The following CCSER1 variants were observed in gnomAD, a reference collection of about 807,000 sequenced individuals.
The protein encoded by CCSER1 is serine-rich coiled-coil domain-containing protein 1.
CCSER1 carries 41 observed loss-of-function variants against 82.0 expected under a neutral mutation model. That is an observed-to-expected ratio of 0.50 (90% CI 0.39 to 0.65). CCSER1 has a LOEUF of 0.65. CCSER1 is among the 30% of genes least tolerant of loss of function. The pLI, the probability that CCSER1 is intolerant of heterozygous loss-of-function variation, is 0.00. For synonymous variants in CCSER1, 414 were observed against 383.9 expected, an observed-to-expected ratio of 1.08 and a Z score of -0.92; for missense variants, 1,119 against 1,064.2, an observed-to-expected ratio of 1.05 and a Z score of -0.72.
At chr4:90,898,739 T>G (rs1437907228) in intron 8 of CCSER1, among the ~76,000 whole-genome samples, 1 of 152,032 alleles carries the variant, frequency 6.6e-6, no homozygotes, top group Non-Finnish European at 1.5e-5. Context: ...TATACTTGGT[T>G]GAAGATTAGT....
At chr4:91,427,700 T>C (rs772978230) in intron 10 of CCSER1, among the ~76,000 whole-genome samples, 17 of 152,106 alleles carry the variant, frequency 1.1e-4, no homozygotes, top group Non-Finnish European at 1.9e-4. Flanking sequence ...TCAAGAAATA[T>C]TAGCCATTAT....
chr4:90,178,363 T>C (rs1260591836), intron 1 of CCSER1, among the ~76,000 whole-genome samples: 1 of 152,076 alleles, frequency 6.6e-6, no homozygotes, highest in Non-Finnish European at 1.5e-5. Flanking sequence ...AATTTGTCTC[T>C]GATATAATTT....
At chr4:91,031,888 A>G (rs1377045949) in intron 9 of CCSER1, among the ~76,000 whole-genome samples, 1 of 152,056 alleles carries the variant, frequency 6.6e-6, no homozygotes, top group African/African-American at 2.4e-5. Context: ...TTTCACCACA[A>G]ATTCATTCAT....
intron 10 of CCSER1, among the ~76,000 whole-genome samples, chr4:91,345,747 T>G (rs926270063): frequency 3.9e-5 from 6 of 152,284 alleles, no homozygotes; most frequent in African/African-American, 1.4e-4. Flanking sequence ...ATATGAATTT[T>G]GAAATGTATA....
chr4:91,550,409 T>C (rs933633307), intron 10 of CCSER1, among the ~76,000 whole-genome samples: 1 of 152,156 alleles, frequency 6.6e-6, no homozygotes, highest in Admixed American at 6.5e-5. Flanking sequence ...GATTTTCCTA[T>C]TGCTTCCCAT....
chr4:90,301,726 A>G (rs1733170334), intron 1 of CCSER1, among the ~76,000 whole-genome samples: 1 of 152,104 alleles, frequency 6.6e-6, no homozygotes, highest in Non-Finnish European at 1.5e-5. Flanking sequence ...CTGAATTGAG[A>G]AATATTAGAT....
At chr4:90,932,791 G>C (rs1304013136) in intron 9 of CCSER1, among the ~76,000 whole-genome samples, 4 of 126,494 alleles carry the variant, frequency 3.2e-5, no homozygotes, top group Non-Finnish European at 4.7e-5. Flanking sequence ...TTGTGCCACT[G>C]TACTCCAGGC....
intron 10 of CCSER1, among the ~76,000 whole-genome samples, chr4:91,438,872 A>G (rs895989972): frequency 2.0e-5 from 3 of 152,232 alleles, no homozygotes; most frequent in African/African-American, 7.2e-5. Flanking sequence ...ACTGGAAGAA[A>G]GGGTATCAGT....
chr4:91,283,170 C>A (rs1343513114), intron 10 of CCSER1, among the ~76,000 whole-genome samples: 1 of 151,914 alleles, frequency 6.6e-6, no homozygotes, highest in Non-Finnish European at 1.5e-5. Context: ...ATTTAAATTG[C>A]AATATGTGTT....
chr4:90,405,941 C>T (rs1419873081), intron 4 of CCSER1, among the ~76,000 whole-genome samples: 3 of 150,968 alleles, frequency 2.0e-5, no homozygotes, highest in African/African-American at 7.3e-5. Flanking sequence ...ACCTATATAA[C>T]AGTAACAAAA....
intron 9 of CCSER1, among the ~76,000 whole-genome samples, chr4:91,035,813 TG>T (rs1741383895): frequency 6.6e-6 from 1 of 152,172 alleles, no homozygotes. Context: ...TATAGATCAC[TG>T]ATTCCCAAAC....
chr4:90,128,129 G>A (rs896809610), intron 1 of CCSER1, among the ~76,000 whole-genome samples: 2 of 152,166 alleles, frequency 1.3e-5, no homozygotes, highest in African/African-American at 4.8e-5. Flanking sequence ...CGCGGCGGCC[G>A]CTCCAGGGCG....
At chr4:91,286,331 G>A (rs1743272526) in intron 10 of CCSER1, among the ~76,000 whole-genome samples, 1 of 151,812 alleles carries the variant, frequency 6.6e-6, no homozygotes, top group South Asian at 2.1e-4. Context: ...AATAGTATAG[G>A]TTTGGTTAGT....
intron 8 of CCSER1, among the ~76,000 whole-genome samples, chr4:90,831,638 T>C (rs1362774547): frequency 1.3e-5 from 2 of 152,178 alleles, no homozygotes; most frequent in African/African-American, 2.4e-5. Context: ...GAATAGCACT[T>C]CATTTCATCC....
intron 4 of CCSER1, among the ~76,000 whole-genome samples, chr4:90,414,414 A>G (rs1755484843): frequency 6.6e-6 from 1 of 152,048 alleles, no homozygotes; most frequent in South Asian, 2.1e-4. Context: ...GTTTTTTACT[A>G]CCAGACATTT....
At chr4:91,095,836 G>A (rs759825373) in intron 10 of CCSER1, among the ~76,000 whole-genome samples, 1 of 151,912 alleles carries the variant, frequency 6.6e-6, no homozygotes, top group Non-Finnish European at 1.5e-5. Context: ...GGATCCCATT[G>A]AGGGTCTGTT....
chr4:91,080,541 G>T (rs1193402937), intron 9 of CCSER1, among the ~76,000 whole-genome samples: 1 of 152,164 alleles, frequency 6.6e-6, no homozygotes, highest in Non-Finnish European at 1.5e-5. Context: ...TCAAAAGCTA[G>T]CAGAAGGCAA....
chr4:90,834,440 C>A (rs1195358689), intron 8 of CCSER1, among the ~76,000 whole-genome samples: 3 of 152,162 alleles, frequency 2.0e-5, no homozygotes, highest in Non-Finnish European at 2.9e-5. Flanking sequence ...TCTCCCTCTT[C>A]CTGTTGAAAT....
chr4:91,354,938 C>T (rs537401619), intron 10 of CCSER1, among the ~76,000 whole-genome samples: 9 of 152,232 alleles, frequency 5.9e-5, no homozygotes, highest in Admixed American at 5.9e-4. Flanking sequence ...TTTGAACCTC[C>T]CATTTCATTA....
Sources: gnomAD v4.1 joint callset for allele counts (sites outside exome capture counted in the v4.1 genomes callset) on GRCh38, gnomAD v4.1.1 for gene constraint, MANE v1.5 for transcripts, NCBI Gene and HGNC (gene_info 2026-07-23, HGNC 2026-07-21) for gene names.